The following DNASE1 variants were observed in gnomAD, a reference collection of about 807,000 sequenced individuals.
DNASE1 encodes the protein deoxyribonuclease-1.
In DNASE1, 40 loss-of-function variants were observed where a neutral mutation model predicts 33.9. That is an observed-to-expected ratio of 1.18 (90% CI 0.92 to 1.54). DNASE1 has a LOEUF of 1.54. Ranked by LOEUF, DNASE1 falls within the 40% of genes most tolerant of loss-of-function variation. The pLI, the probability that DNASE1 is intolerant of heterozygous loss-of-function variation, is 0.00. For missense variants in DNASE1, 518 were observed against 372.6 expected, an observed-to-expected ratio of 1.39 and a Z score of -3.21; for synonymous variants, 216 against 160.0, an observed-to-expected ratio of 1.35 and a Z score of -2.64.
chr16:3,663,735 G>A lies in DNASE1; in HGVS notation c.*5782G>A, dbSNP rs574690069. The A allele has an allele frequency of 1.9e-3, 1,430 of 749,952 alleles. 36 individuals carry two copies. In the South Asian group the frequency reaches 0.025, roughly 13 times the overall value. The allele number at this position is 749,952 out of a possible 1,614,324, so 46.5% of individuals were successfully genotyped here. A position where few individuals can be genotyped will look rare whatever the true frequency, so the allele number is the denominator to read the frequency against. ...AGTTACTACGACACCTGGGTCTAAG[G>A]AAGGCTCTGACTGCCTTCAAGGCAG... is the stretch of plus-strand genomic sequence containing the variant. On this transcript the variant is annotated 3_prime_UTR_variant, in exon 10 of 10. Coordinates refer to the DNASE1 transcript ENST00000407479.
chr16:3,644,999 G>A (rs973983267), intron 1 of DNASE1, among the ~76,000 whole-genome samples: 2 of 151,384 alleles, frequency 1.3e-5, no homozygotes, highest in African/African-American at 2.4e-5. Context: ...GCCTGGTGGC[G>A]CATGCCTGTG....
intron 1 of DNASE1, among the ~76,000 whole-genome samples, chr16:3,644,840 A>G (rs2042126458): frequency 6.6e-6 from 1 of 152,154 alleles, no homozygotes; most frequent in Non-Finnish European, 1.5e-5. Flanking sequence ...TAGAAAATAC[A>G]TAGTGGGGCT....
At chr16:3,636,752 G>A (rs901275295) in intron 1 of DNASE1, among the ~76,000 whole-genome samples, 17 of 149,078 alleles carry the variant, frequency 1.1e-4, no homozygotes, top group African/African-American at 4.2e-4. Context: ...CCCGGGAGGT[G>A]CAGGTTGCAG....
chr16:3,617,471 T>C (rs1596550829), intron 1 of DNASE1, among the ~76,000 whole-genome samples: 1 of 152,104 alleles, frequency 6.6e-6, no homozygotes, highest in African/African-American at 2.4e-5. Context: ...TAAAAACTTT[T>C]TTGTGTAAAA....
chr16:3,619,038 A>T (rs1347151336), intron 1 of DNASE1, among the ~76,000 whole-genome samples: 4 of 151,164 alleles, frequency 2.6e-5, no homozygotes, highest in Non-Finnish European at 5.9e-5. Context: ...GCCCCTGGGT[A>T]ATTTTTTTTT....
upstream of DNASE1, among the ~76,000 whole-genome samples, chr16:3,640,249 A>G (rs1022461267): frequency 2.0e-5 from 3 of 152,080 alleles, no homozygotes; most frequent in African/African-American, 7.2e-5. Context: ...CCAGGCACAG[A>G]TCTGTTTTCA....
At chr16:3,662,490 TGGG>T, downstream of DNASE1, 3 of 519,156 alleles carry the variant, frequency 5.8e-6, no homozygotes, top group Non-Finnish European at 1.1e-5. Context: ...GACAGGTTGG[TGGG>T]GGGAGTCTTA....
chr16:3,641,656 G>A (rs908711249), upstream of DNASE1, among the ~76,000 whole-genome samples: 8 of 152,182 alleles, frequency 5.3e-5, no homozygotes, highest in East Asian at 1.9e-4. Context: ...CACGTGTCGC[G>A]GCCCCCAGAG....
chr16:3,645,217 C>G (rs2042138232), intron 1 of DNASE1, among the ~76,000 whole-genome samples: 1 of 152,210 alleles, frequency 6.6e-6, no homozygotes, highest in Admixed American at 6.5e-5. Context: ...TGTCCTTTTC[C>G]TGGACCCTGA....
upstream of DNASE1, chr16:3,651,214 T>G (rs2042326741): frequency 6.6e-6 from 1 of 152,242 alleles, no homozygotes; most frequent in African/African-American, 2.4e-5. Flanking sequence ...TATAGGATTT[T>G]TCCTTTATCC....
intron 1 of DNASE1, among the ~76,000 whole-genome samples, chr16:3,622,233 C>T (rs1359830296): frequency 3.0e-5 from 4 of 135,032 alleles, no homozygotes; most frequent in African/African-American, 1.1e-4. Flanking sequence ...AAAAAAAAAA[C>T]GGAGGCTGAA....
At chr16:3,630,407 T>G (rs1012280527) in intron 1 of DNASE1, among the ~76,000 whole-genome samples, 6 of 151,442 alleles carry the variant, frequency 4.0e-5, no homozygotes, top group Admixed American at 3.3e-4. Flanking sequence ...GGCCTTGAAC[T>G]CCAAAGCTCA....
chr16:3,655,406 G>C lies in DNASE1; in HGVS notation c.33G>C (p.Leu11=). 1 of 1,614,104 alleles carries C rather than the reference G, an allele frequency of 6.2e-7. No individual in the cohort carries two copies. Residue 11 remains leucine, a synonymous_variant, in exon 2 of 9, where the codon CTG becomes CTC. Coordinates refer to ENST00000246949, the MANE Select transcript of DNASE1 (RefSeq NM_005223.4). MRGMKLLGAL[L]ALAALLQGAV... ...GCATGAAGCTGCTGGGGGCGCTGCT[G>C]GCACTGGCGGCCCTACTGCAGGGGG...
chr16:3,646,233 A>G (rs116960145), intron 1 of DNASE1, among the ~76,000 whole-genome samples: 8,538 of 151,920 alleles, frequency 0.056, 261 homozygotes, highest in Admixed American at 0.069. Flanking sequence ...TCTGCGGGGA[A>G]CCTGGAGCTG....
Position 3,636,854 on chromosome 16 carries a change from T to C in DNASE1, c.-1358-3861T>C, listed in dbSNP as rs142698811. Among the ~76,000 whole-genome samples, 646 of 151,866 alleles carry C rather than the reference T, an allele frequency of 4.3e-3. 6 individuals are homozygous for C. The highest frequency in any genetic ancestry group is 0.014 in the African/African-American group (587 of 41,404). ...AGAAAAAAAAACAGGCCAGGCACAG[T>C]GGCTCATGCCTGTAATCCCAGCACT... is the stretch of plus-strand genomic sequence containing the variant. On this transcript the variant is annotated intron_variant and NMD_transcript_variant, in intron 1 of 11. Transcript: ENST00000570769.
At chr16:3,661,690 G>A (rs1596683464), downstream of DNASE1, 1 of 343,786 alleles carries the variant, frequency 2.9e-6, no homozygotes, top group East Asian at 4.4e-5. Context: ...GCTCAAAACA[G>A]GCAAAACTGA....
chr16:3,626,025 G>C (rs915658268), intron 1 of DNASE1, among the ~76,000 whole-genome samples: 3 of 151,878 alleles, frequency 2.0e-5, no homozygotes, highest in Admixed American at 6.5e-5. Flanking sequence ...ACTTGAGCCT[G>C]AGAAGCCAAG....
chr16:3,662,962 C>CGGCGGCTGCGGAAGAGCA, downstream of DNASE1: 1 of 1,608,904 alleles, frequency 6.2e-7, no homozygotes, highest in Non-Finnish European at 8.5e-7. Flanking sequence ...GATAGGCACT[C>CGGCGGCTGCGGAAGAGCA]GGCGGCTGCG....
At chr16:3,647,323 G>C (rs2042204712) in intron 1 of DNASE1, among the ~76,000 whole-genome samples, 1 of 150,626 alleles carries the variant, frequency 6.6e-6, no homozygotes, top group African/African-American at 2.5e-5. Context: ...ACCCAGGCTG[G>C]AGTGCAGTGG....
Sources: allele counts gnomAD v4.1 joint callset (sites outside exome capture counted in the v4.1 genomes callset), GRCh38; gene constraint gnomAD v4.1.1; transcripts MANE v1.5; gene names NCBI Gene and HGNC (gene_info 2026-07-23, HGNC 2026-07-21).